Variants in LURAP1 observed in about 807,000 individuals in gnomAD.
LURAP1 encodes leucine rich adaptor protein 1.
In LURAP1, 14 loss-of-function variants were observed where a neutral mutation model predicts 19.0. The ratio of observed to expected loss-of-function variants is 0.74; its 90% CI spans 0.49 to 1.15. LURAP1 has a LOEUF of 1.15. Ranked by LOEUF, LURAP1 falls within the 50% of genes most tolerant of loss-of-function variation. The pLI is 0.00. For synonymous variants in LURAP1, 129 were observed against 131.8 expected (o/e 0.98, Z 0.14); for missense variants, 273 against 309.1 (o/e 0.88, Z 0.87).
intron 1 of LURAP1, among the ~76,000 whole-genome samples, chr1:46,212,315 A>G (rs1571687667): frequency 6.9e-6 from 1 of 144,366 alleles, no homozygotes; most frequent in Non-Finnish European, 1.5e-5. Flanking sequence ...GAGTCTTGCT[A>G]TGTCATCCAG....
At chr1:46,214,115 G>A (rs966731335) in intron 1 of LURAP1, among the ~76,000 whole-genome samples, 1 of 152,126 alleles carries the variant, frequency 6.6e-6, no homozygotes, top group African/African-American at 2.4e-5. Context: ...GAAGGCCGAG[G>A]CTGGATGATC....
At chr1:46,211,226 C>G (rs1156845379) in intron 1 of LURAP1, among the ~76,000 whole-genome samples, 1 of 152,132 alleles carries the variant, frequency 6.6e-6, no homozygotes, top group African/African-American at 2.4e-5. Context: ...CTGCGGCATT[C>G]CTTCCTCCAG....
At chr1:46,207,239 C>CTTTTGTATTTTTA (rs2148238645) in intron 1 of LURAP1, among the ~76,000 whole-genome samples, 1 of 152,206 alleles carries the variant, frequency 6.6e-6, no homozygotes, top group South Asian at 2.1e-4. Flanking sequence ...TGCCACCACA[C>CTTTTGTATTTTTA]CTAGCTAGCT....
chr1:46,211,104 A>C (rs1406804327), intron 1 of LURAP1, among the ~76,000 whole-genome samples: 1 of 152,068 alleles, frequency 6.6e-6, no homozygotes, highest in Admixed American at 6.6e-5. Context: ...AAGAGACTTT[A>C]TTGGTTGTCC....
intron 1 of LURAP1, among the ~76,000 whole-genome samples, chr1:46,211,774 TA>T (rs1658904474): frequency 6.6e-6 from 1 of 152,154 alleles, no homozygotes; most frequent in Non-Finnish European, 1.5e-5. Context: ...TATATATATA[TA>T]TTTTTTTGAG....
rs1659199729 is a variant in LURAP1 at position 46,220,250 on chromosome 1, G to A, written c.*30G>A. The A allele has an allele frequency of 6.4e-7, 1 of 1,564,908 alleles. No homozygotes were observed. The highest frequency in any genetic ancestry group is 1.8e-5 in the Admixed American group (1 of 55,164). ...TATTCCACCCTTTTGTAATCCTGTG[G>A]CTCTTTTATCCATTAGATGTGGTCT... On this transcript the variant is annotated 3_prime_UTR_variant, in exon 2 of 2. Coordinates refer to ENST00000371980, the MANE Select transcript of LURAP1 (RefSeq NM_001013615.3).
chr1:46,205,816 A>G (rs1658695297), intron 1 of LURAP1, among the ~76,000 whole-genome samples: 2 of 152,150 alleles, frequency 1.3e-5, no homozygotes, highest in Admixed American at 6.5e-5. Flanking sequence ...TGCCCTGCCT[A>G]CTGGGTTGCA....
chr1:46,215,217 C>T (rs1468689104), intron 1 of LURAP1, among the ~76,000 whole-genome samples: 1 of 130,630 alleles, frequency 7.7e-6, no homozygotes, highest in Non-Finnish European at 1.6e-5. Flanking sequence ...CACAACAAAA[C>T]TCTGTCTCAA....
chr1:46,203,341 C>T lies in LURAP1; in HGVS notation c.-86C>T, dbSNP rs1658605435. ...CGCGGGCGGGGACCCACCGGTTTTGCTCCGCTTTAGCAGCGGCGAAGGGAG... is the reference window on the plus strand; with the variant it reads ...CGCGGGCGGGGACCCACCGGTTTTGTTCCGCTTTAGCAGCGGCGAAGGGAG... On this transcript the variant is annotated 5_prime_UTR_variant, in exon 1 of 2. Coordinates refer to ENST00000371980, the MANE Select transcript of LURAP1 (RefSeq NM_001013615.3). 3.1e-6 allele frequency: 4 copies of T among 1,299,110 alleles called. No homozygotes were observed. The East Asian group carries it at 8.6e-5, about 28-fold the overall frequency. The allele number at this position is 1,299,110 out of a possible 1,614,324, so 80.5% of individuals were successfully genotyped here.
At chr1:46,207,853 T>A (rs1224042483) in intron 1 of LURAP1, among the ~76,000 whole-genome samples, 2 of 151,744 alleles carry the variant, frequency 1.3e-5, no homozygotes, top group Non-Finnish European at 2.9e-5. Flanking sequence ...TTTTCATTTT[T>A]AAATTATTTA....
intron 1 of LURAP1, 125 bp from the exon 2 acceptor site, chr1:46,219,574 C>T (rs1319723569): frequency 1.3e-5 from 14 of 1,043,352 alleles, no homozygotes; most frequent in Non-Finnish European, 1.8e-5. Context: ...ACACTGCAAG[C>T]CGTTATAATT....
At chr1:46,218,595 G>A (rs183741251) in intron 1 of LURAP1, among the ~76,000 whole-genome samples, 141 of 152,250 alleles carry the variant, frequency 9.3e-4, no homozygotes, top group African/African-American at 3.3e-3. Context: ...GTAGATGTTC[G>A]GATTCGGCAC....
intron 1 of LURAP1, among the ~76,000 whole-genome samples, chr1:46,210,079 A>T (rs1658846619): frequency 6.6e-6 from 1 of 152,102 alleles, no homozygotes; most frequent in South Asian, 2.1e-4. Flanking sequence ...CCCCTTATTG[A>T]GACTGCAAGC....
chr1:46,218,942 C>A (rs1415864118), intron 1 of LURAP1, among the ~76,000 whole-genome samples: 1 of 152,156 alleles, frequency 6.6e-6, no homozygotes, highest in Non-Finnish European at 1.5e-5. Flanking sequence ...TCCTGATTAA[C>A]ACCCTATCTT....
chr1:46,220,391 C>A lies in LURAP1; in HGVS notation c.*171C>A. 2 of 669,090 alleles carry A rather than the reference C, an allele frequency of 3.0e-6. No individual in the cohort carries two copies. Among genetic ancestry groups the A allele is most frequent in the Non-Finnish European group, 4.9e-6 (2 of 407,860 alleles). 41.4% of individuals were successfully genotyped at this position (669,090 alleles called of 1,614,324 possible). ...TCCCTAGGGAGTCTCTGCCTTTATC[C>A]CTCAATTATTGGGTCCCTAGAGCTA... On this transcript the variant is annotated 3_prime_UTR_variant, in exon 2 of 2. Coordinates refer to ENST00000371980, the MANE Select transcript of LURAP1 (RefSeq NM_001013615.3).
At chr1:46,212,573 A>G (rs758845438) in intron 1 of LURAP1, among the ~76,000 whole-genome samples, 12 of 149,098 alleles carry the variant, frequency 8.0e-5, no homozygotes, top group South Asian at 4.2e-4. Context: ...GAGCCACTGC[A>G]CCCGGCCAAA....
At chr1:46,210,829 C>T (rs1260680871) in intron 1 of LURAP1, among the ~76,000 whole-genome samples, 1 of 152,078 alleles carries the variant, frequency 6.6e-6, no homozygotes, top group Admixed American at 6.6e-5. Context: ...GGTTGGAGTA[C>T]AGTGGCTCAA....
intron 1 of LURAP1, among the ~76,000 whole-genome samples, chr1:46,210,431 C>A (rs1053583902): frequency 6.6e-6 from 1 of 152,168 alleles, no homozygotes; most frequent in Non-Finnish European, 1.5e-5. Flanking sequence ...ACTCTGTCTA[C>A]CTGGAGACAG....
At chr1:46,213,375 T>TTTTTTTTTTTGAG (rs1553165553) in intron 1 of LURAP1, among the ~76,000 whole-genome samples, 1 of 150,260 alleles carries the variant, frequency 6.7e-6, no homozygotes, top group Non-Finnish European at 1.5e-5. Flanking sequence ...ATAAATTTTT[T>TTTTTTTTTTTGAG]AAAATGTCAT....
Sources: allele counts gnomAD v4.1 joint callset (sites outside exome capture counted in the v4.1 genomes callset), GRCh38; gene constraint gnomAD v4.1.1; transcripts MANE v1.5; gene names NCBI Gene and HGNC (gene_info 2026-07-23, HGNC 2026-07-21).